The following SPMAP2L variants were observed in gnomAD, a reference collection of about 807,000 sequenced individuals.
SPMAP2L encodes the protein sperm microtubule associated protein 2 like.
chr4:56,609,689 T>C, the SPMAP2L span, among the ~76,000 whole-genome samples: 1 of 152,206 alleles, frequency 6.6e-6, no homozygotes, highest in South Asian at 2.1e-4. Context: ...ATAAGGGCTA[T>C]GCTCTCATCA....
At chr4:56,603,003 A>G in the SPMAP2L span, among the ~76,000 whole-genome samples, 1 of 152,216 alleles carries the variant, frequency 6.6e-6, no homozygotes. Context: ...TTGGAATCTG[A>G]GAGACATATA....
chr4:56,592,991 T>C, the SPMAP2L span: 3 of 1,603,640 alleles, frequency 1.9e-6, no homozygotes, highest in Admixed American at 5.0e-5. Flanking sequence ...AGACCCTGTT[T>C]GTGAAAATGA....
chr4:56,555,658 A>C, the SPMAP2L span, among the ~76,000 whole-genome samples: 30 of 152,032 alleles, frequency 2.0e-4, no homozygotes, highest in Non-Finnish European at 2.1e-4. Flanking sequence ...AGTTTTCCTC[A>C]TATAGATCTT....
At chr4:56,531,276 G>T in the SPMAP2L span, 1 of 1,383,856 alleles carries the variant, frequency 7.2e-7, no homozygotes, top group East Asian at 2.5e-5. Flanking sequence ...TAAGGTGGAG[G>T]TTTGCATGCA....
chr4:56,569,141 T>A, the SPMAP2L span, among the ~76,000 whole-genome samples: 1 of 152,232 alleles, frequency 6.6e-6, no homozygotes, highest in African/African-American at 2.4e-5. Flanking sequence ...TGTGTGAATG[T>A]ATGTTTTCAT....
the SPMAP2L span, among the ~76,000 whole-genome samples, chr4:56,554,050 T>TTATA: frequency 6.6e-6 from 1 of 152,100 alleles, no homozygotes; most frequent in South Asian, 2.1e-4. Flanking sequence ...ATTCTATTGA[T>TTATA]GTGGGTACTA....
At chr4:56,570,474 C>T in the SPMAP2L span, among the ~76,000 whole-genome samples, 2 of 152,100 alleles carry the variant, frequency 1.3e-5, no homozygotes, top group African/African-American at 4.8e-5. Flanking sequence ...TACAGAATAC[C>T]TTAGGCAATT....
At chr4:56,550,009 T>C in the SPMAP2L span, among the ~76,000 whole-genome samples, 1 of 152,182 alleles carries the variant, frequency 6.6e-6, no homozygotes, top group Non-Finnish European at 1.5e-5. Context: ...TTCCTGTAGG[T>C]GAAAAGTAAA....
At chr4:56,561,470 G>A in the SPMAP2L span, among the ~76,000 whole-genome samples, 1 of 152,128 alleles carries the variant, frequency 6.6e-6, no homozygotes, top group Admixed American at 6.5e-5. Flanking sequence ...GGCTTTTCAT[G>A]CTACCTCATA....
chr4:56,595,463 G>C, the SPMAP2L span: 2 of 1,602,384 alleles, frequency 1.2e-6, no homozygotes, highest in African/African-American at 2.7e-5. Context: ...ATTGAGGAGG[G>C]CCGCATCGAC....
At chr4:56,606,610 G>A in the SPMAP2L span, among the ~76,000 whole-genome samples, 4,745 of 152,136 alleles carry the variant, frequency 0.031, 152 homozygotes, top group African/African-American at 0.08. Flanking sequence ...ATCCCCTGAG[G>A]CAGATGGAAG....
At chr4:56,572,678 T>A in the SPMAP2L span, among the ~76,000 whole-genome samples, 2 of 152,200 alleles carry the variant, frequency 1.3e-5, no homozygotes, top group African/African-American at 4.8e-5. Context: ...TACTGAATAT[T>A]TGTCTCTTTT....
chr4:56,536,848 C>T, the SPMAP2L span, among the ~76,000 whole-genome samples: 1 of 152,238 alleles, frequency 6.6e-6, no homozygotes, highest in African/African-American at 2.4e-5. Context: ...ACTGCAAAGT[C>T]CGCCTCCTGG....
the SPMAP2L span, among the ~76,000 whole-genome samples, chr4:56,600,097 CTTTTTTTTTTTTTTTT>C: frequency 2.0e-4 from 18 of 87,806 alleles, no homozygotes; most frequent in South Asian, 4.2e-4. Flanking sequence ...TCTTTGCTTT[CTTTTTTTTTTTTTTTT>C]TTTTTTTTTT....
At chr4:56,561,339 G>A in the SPMAP2L span, among the ~76,000 whole-genome samples, 2 of 152,084 alleles carry the variant, frequency 1.3e-5, no homozygotes, top group African/African-American at 4.8e-5. Flanking sequence ...CAAATATTTT[G>A]CTACAACAGA....
At chr4:56,610,368 T>A in the SPMAP2L span, among the ~76,000 whole-genome samples, 1 of 152,140 alleles carries the variant, frequency 6.6e-6, no homozygotes, top group Admixed American at 6.5e-5. Context: ...ATTCAACAAG[T>A]GGTCCTGGGA....
At chr4:56,587,159 C>T in the SPMAP2L span, among the ~76,000 whole-genome samples, 135 of 151,922 alleles carry the variant, frequency 8.9e-4, no homozygotes, top group African/African-American at 3.2e-3. Context: ...ACATAGCTGC[C>T]CCTAAAATGT....
chr4:56,591,667 G>A, the SPMAP2L span, among the ~76,000 whole-genome samples: 15 of 152,238 alleles, frequency 9.9e-5, no homozygotes, highest in African/African-American at 9.6e-5. Flanking sequence ...ATTTTATTTC[G>A]TTATTGATTA....
At chr4:56,547,234 C>T in the SPMAP2L span, among the ~76,000 whole-genome samples, 1 of 127,744 alleles carries the variant, frequency 7.8e-6, no homozygotes, top group African/African-American at 3.0e-5. Flanking sequence ...TGTTTTATTA[C>T]TAATTCTCTT....
Sources: gnomAD v4.1 joint callset for allele counts (sites outside exome capture counted in the v4.1 genomes callset) on GRCh38, gnomAD v4.1.1 for gene constraint, MANE v1.5 for transcripts, NCBI Gene and HGNC (gene_info 2026-07-23, HGNC 2026-07-21) for gene names.